PRKN: variants seen among roughly 807,000 people sequenced by gnomAD.
PRKN encodes parkin RBR E3 ubiquitin protein ligase.
PRKN carries 56 observed loss-of-function variants against 59.5 expected under a neutral mutation model. The observed-to-expected ratio is 0.94, with a 90% CI of 0.76 to 1.18. The LOEUF (loss-of-function observed/expected upper bound fraction) is 1.18. Among genes scored for constraint, PRKN ranks in the 50% most tolerant of loss-of-function variants. The pLI is 0.00. For synonymous variants in PRKN, 250 were observed against 222.1 expected, an observed-to-expected ratio of 1.13 and a Z score of -1.12; for missense variants, 657 against 596.4, an observed-to-expected ratio of 1.10 and a Z score of -1.06.
chr6:162,066,012 A>C (rs575309748), intron 4 of PRKN, among the ~76,000 whole-genome samples: 17 of 152,172 alleles, frequency 1.1e-4, no homozygotes, highest in Non-Finnish European at 2.2e-4. Context: ...GCTATTGTGA[A>C]TAGTGCTGTA....
rs551742438 is a variant in PRKN at position 161,701,087 on chromosome 6, G to A, written c.871+84685C>T. Among the ~76,000 whole-genome samples, 64 of 152,250 alleles carry A rather than the reference G, an allele frequency of 4.2e-4. No homozygotes were observed. The South Asian group carries it at 0.013, about 30-fold the overall frequency. The stretch of plus-strand genomic sequence containing the variant: ...GTCCATCATTCCTGTAAATATACAC[G>A]TTGATCACTAAATGGTAAGAAAGGT... On this transcript the variant is annotated intron_variant, in intron 7 of 11. Transcript: ENST00000366898.
chr6:161,779,142 G>A (rs1054179496), intron 7 of PRKN, among the ~76,000 whole-genome samples: 6 of 152,114 alleles, frequency 3.9e-5, no homozygotes, highest in African/African-American at 9.6e-5. Flanking sequence ...GTTTCACCAC[G>A]TTGGCCAGGC....
chr6:162,135,630 T>G (rs1781534453), intron 4 of PRKN, among the ~76,000 whole-genome samples: 1 of 152,178 alleles, frequency 6.6e-6, no homozygotes, highest in Non-Finnish European at 1.5e-5. Flanking sequence ...CTCCTTGCCC[T>G]GACTCTTGTC....
intron 7 of PRKN, among the ~76,000 whole-genome samples, chr6:161,665,088 A>G (rs761570048): frequency 7.9e-5 from 12 of 152,128 alleles, no homozygotes; most frequent in Non-Finnish European, 1.6e-4. Context: ...GCCTGGCCCA[A>G]CAACTGACTT....
intron 1 of PRKN, among the ~76,000 whole-genome samples, chr6:162,458,586 A>G (rs1791016006): frequency 6.6e-6 from 1 of 151,290 alleles, no homozygotes; most frequent in South Asian, 2.1e-4. Flanking sequence ...TTCCTCCCAG[A>G]GATGGGACAG....
intron 5 of PRKN, among the ~76,000 whole-genome samples, chr6:162,010,345 A>C (rs1782458063): frequency 8.3e-6 from 1 of 120,702 alleles, no homozygotes; most frequent in Non-Finnish European, 1.6e-5. Context: ...TATATAAATA[A>C]TATACATTTA....
At position 161,975,871 on chromosome 6, in the gene PRKN, C is replaced by T. The variant is rs145008465; in HGVS notation, c.619-2454G>A. Among the ~76,000 whole-genome samples the T allele has an allele frequency of 2.9e-3, 439 of 152,220 alleles. 1 individual carries two copies. Among genetic ancestry groups the T allele is most frequent in the Middle Eastern group, 0.01 (3 of 294 alleles). On this transcript the variant is annotated intron_variant, in intron 5 of 11. Coordinates refer to ENST00000366898, the MANE Select transcript of PRKN (RefSeq NM_004562.3). ...TGTCTGAAAATAATGCTACATCTTACGTAAAATATGTGACTCTCAAAAATC... is the reference window on the plus strand; with the variant it reads ...TGTCTGAAAATAATGCTACATCTTATGTAAAATATGTGACTCTCAAAAATC...
In PRKN at chr6:161,371,038, G is replaced by A. The variant is rs2114895395; in HGVS notation, c.1168-10833C>T. On this transcript the variant is annotated intron_variant, in intron 10 of 11. Transcript: ENST00000366898. This position sits in a 1 kb window ranked among gnomAD's most constrained non-coding sequence, Gnocchi z 5.5. The stretch of plus-strand genomic sequence containing the variant: ...TAAGAAAATGGCATCACTTTTCAGG[G>A]GCCTTGAGCTAGTCAACGTTACTGC... Among the ~76,000 whole-genome samples the A allele has an allele frequency of 6.6e-6, 1 of 152,196 alleles. No individual in the cohort carries two copies. The highest frequency in any genetic ancestry group is 6.5e-5 in the Admixed American group (1 of 15,288).
chr6:161,654,440 C>T (rs1784266113), intron 7 of PRKN, among the ~76,000 whole-genome samples: 1 of 152,254 alleles, frequency 6.6e-6, no homozygotes, highest in African/African-American at 2.4e-5. Flanking sequence ...TCTCCAGCAG[C>T]CATGAAGAAG....
intron 7 of PRKN, among the ~76,000 whole-genome samples, chr6:161,746,476 A>G (rs545578246): frequency 1.3e-4 from 19 of 151,660 alleles, no homozygotes; most frequent in African/African-American, 4.6e-4. Context: ...AAAAAAAGAC[A>G]AGTCAACAAG....
intron 2 of PRKN, among the ~76,000 whole-genome samples, chr6:162,319,371 C>T (rs1023510593): frequency 6.6e-6 from 1 of 151,704 alleles, no homozygotes; most frequent in Non-Finnish European, 1.5e-5. Context: ...TGAATTAGGC[C>T]CTTTGGAAGT....
chr6:162,506,971 G>A (rs1023914354), intron 1 of PRKN, among the ~76,000 whole-genome samples: 1 of 152,170 alleles, frequency 6.6e-6, no homozygotes, highest in African/African-American at 2.4e-5. Context: ...TTTATATAAT[G>A]AGTGAGCATA....
intron 1 of PRKN, among the ~76,000 whole-genome samples, chr6:162,596,968 C>T (rs1562420703): frequency 6.6e-6 from 1 of 152,174 alleles, no homozygotes; most frequent in South Asian, 2.1e-4. Context: ...TTCCGGGTTT[C>T]AGACACACGT....
At chr6:162,506,251 CAAAAAAAA>C (rs10528135) in intron 1 of PRKN, among the ~76,000 whole-genome samples, 15 of 95,344 alleles carry the variant, frequency 1.6e-4, no homozygotes, top group South Asian at 3.9e-4. Flanking sequence ...AAAGAGGAAG[CAAAAAAAA>C]AAAAAAAAAA....
Position 162,665,002 on chromosome 6 carries a change from T to C in PRKN, c.7+62660A>G, listed in dbSNP as rs190007699. Among the ~76,000 whole-genome samples, 101 of 152,254 alleles carry C rather than the reference T, an allele frequency of 6.6e-4. No individual in the cohort carries two copies. The East Asian group carries it at 9.7e-3, about 15-fold the overall frequency. On this transcript the variant is annotated intron_variant, in intron 1 of 11. Transcript: ENST00000366898. ...CAACATCCCCTCATGTTAAAAACTC[T>C]CAATAAACTAGATATCGATGGAACA...
chr6:162,164,723 G>C (rs1471637250), intron 4 of PRKN, among the ~76,000 whole-genome samples: 4 of 149,008 alleles, frequency 2.7e-5, no homozygotes, highest in Non-Finnish European at 5.9e-5. Flanking sequence ...AGAAGCCTAT[G>C]TGCCATCTAA....
chr6:161,976,991 A>G (rs1781057901), intron 5 of PRKN, among the ~76,000 whole-genome samples: 1 of 152,256 alleles, frequency 6.6e-6, no homozygotes, highest in South Asian at 2.1e-4. Context: ...GAAAAATTCT[A>G]GTAACACATA....
At chr6:161,680,771 ATAT>A (rs1785320432) in intron 7 of PRKN, among the ~76,000 whole-genome samples, 1 of 18,072 alleles carries the variant, frequency 5.5e-5, no homozygotes, top group Non-Finnish European at 1.2e-4. Context: ...ATATATATAT[ATAT>A]ATTTTTTTTT....
At chr6:161,995,710 T>C (rs1415947957) in intron 5 of PRKN, among the ~76,000 whole-genome samples, 2 of 152,158 alleles carry the variant, frequency 1.3e-5, no homozygotes, top group East Asian at 1.9e-4. Context: ...CAATAAGATA[T>C]CATCTTACCT....
Sources: gnomAD v4.1 joint callset for allele counts (sites outside exome capture counted in the v4.1 genomes callset) on GRCh38, gnomAD v4.1.1 for gene constraint, Gnocchi (gnomAD v3.1) non-coding constraint, MANE v1.5 for transcripts, NCBI Gene and HGNC (gene_info 2026-07-23, HGNC 2026-07-21) for gene names.